OPCML: variants seen among roughly 807,000 people sequenced by gnomAD.
OPCML encodes the protein opioid binding protein/cell adhesion molecule like.
OPCML carries 13 observed loss-of-function variants against 37.8 expected under a neutral mutation model. That is an observed-to-expected ratio of 0.34 (90% CI 0.22 to 0.55). OPCML has a LOEUF of 0.55. Ranked by LOEUF, OPCML falls within the 20% of genes least tolerant of loss-of-function variation. The pLI is 0.91. For missense variants in OPCML, 341 were observed against 435.6 expected, an observed-to-expected ratio of 0.78 and a Z score of 1.93; for synonymous variants, 176 against 168.8, an observed-to-expected ratio of 1.04 and a Z score of -0.33.
At position 132,715,054 on chromosome 11, in the gene OPCML, A is replaced by AGG. The variant is rs1045431715; in HGVS notation, c.147-57737_147-57736dup. Among the ~76,000 whole-genome samples, 59 of 152,120 alleles carry AGG rather than the reference A, an allele frequency of 3.9e-4. 1 individual carries two copies. Among genetic ancestry groups the AGG allele is most frequent in the African/African-American group, 1.2e-3 (51 of 41,458 alleles). On this transcript the variant is annotated intron_variant, in intron 2 of 7. Transcript: ENST00000524381. Reference sequence around the variant, plus strand: ...CATCTTCCCTGCTCATGGGCAAGGGAGGGCAGGCAGCTCTCAGACAGATCA... The same window carrying AGG: ...CATCTTCCCTGCTCATGGGCAAGGGAGGGGGCAGGCAGCTCTCAGACAGATCA...
intron 2 of OPCML, among the ~76,000 whole-genome samples, chr11:132,907,341 T>A (rs1024204393): frequency 5.3e-5 from 8 of 152,080 alleles, no homozygotes; most frequent in African/African-American, 1.7e-4. Flanking sequence ...CCTCCATTTG[T>A]CCTTTGTCTG....
chr11:132,604,062 A>G (rs1349754786), intron 3 of OPCML, among the ~76,000 whole-genome samples: 1 of 152,040 alleles, frequency 6.6e-6, no homozygotes, highest in East Asian at 1.9e-4. Flanking sequence ...TGCCTGGAAT[A>G]CTTGTTGGTG....
chr11:132,583,309 G>T (rs2096466002), intron 3 of OPCML, among the ~76,000 whole-genome samples: 1 of 151,906 alleles, frequency 6.6e-6, no homozygotes, highest in South Asian at 2.1e-4. Context: ...TTGTTTGTTT[G>T]TTTGTTTGAC....
intron 1 of OPCML, among the ~76,000 whole-genome samples, chr11:133,100,577 C>T (rs1196109391): frequency 2.6e-5 from 4 of 152,146 alleles, no homozygotes; most frequent in Admixed American, 1.3e-4. Flanking sequence ...TACTACGAAG[C>T]TACAGTAATC....
At chr11:132,713,827 G>C (rs771892096) in intron 2 of OPCML, among the ~76,000 whole-genome samples, 36 of 152,188 alleles carry the variant, frequency 2.4e-4, no homozygotes, top group Non-Finnish European at 4.7e-4. Context: ...TTGAGAGTCT[G>C]AAACATTCAT....
At chr11:132,919,143 C>G (rs1468264183) in intron 2 of OPCML, among the ~76,000 whole-genome samples, 1 of 152,146 alleles carries the variant, frequency 6.6e-6, no homozygotes, top group African/African-American at 2.4e-5. Flanking sequence ...TGGATTTAAT[C>G]ACAAGGTTTT....
chr11:133,386,522 T>C (rs1364857422), intron 1 of OPCML, among the ~76,000 whole-genome samples: 2 of 152,142 alleles, frequency 1.3e-5, no homozygotes, highest in East Asian at 3.9e-4. Context: ...TACTCTCTTA[T>C]CTTAGTGGGT....
intron 2 of OPCML, among the ~76,000 whole-genome samples, chr11:132,938,652 C>G (rs1484745135): frequency 6.6e-6 from 1 of 152,092 alleles, no homozygotes; most frequent in Non-Finnish European, 1.5e-5. Flanking sequence ...TGAAAGTGCT[C>G]AAGGCCGTGG....
intron 1 of OPCML, among the ~76,000 whole-genome samples, chr11:133,295,910 A>G (rs1461015845): frequency 2.0e-5 from 3 of 152,208 alleles, no homozygotes; most frequent in Admixed American, 2.0e-4. Context: ...CACTCCTTTG[A>G]CTTACATTTT....
chr11:133,354,875 T>A (rs567985510), intron 1 of OPCML, among the ~76,000 whole-genome samples: 1 of 152,192 alleles, frequency 6.6e-6, no homozygotes, highest in Non-Finnish European at 1.5e-5. Context: ...GAATGTGAAA[T>A]TGTAGAAAGA....
At chr11:132,562,854 G>A (rs772518978) in intron 3 of OPCML, among the ~76,000 whole-genome samples, 24 of 152,074 alleles carry the variant, frequency 1.6e-4, no homozygotes, top group Non-Finnish European at 2.8e-4. Context: ...ATAAAAAGCA[G>A]GCAAAGCTCA....
At chr11:133,378,726 T>C (rs1944867873) in intron 1 of OPCML, among the ~76,000 whole-genome samples, 1 of 151,638 alleles carries the variant, frequency 6.6e-6, no homozygotes, top group South Asian at 2.1e-4. Context: ...CTTTCTTTTT[T>C]TGTCTTTTTT....
chr11:132,458,663 A>G (rs561708543), intron 4 of OPCML, among the ~76,000 whole-genome samples: 1 of 152,336 alleles, frequency 6.6e-6, no homozygotes, highest in South Asian at 2.1e-4. Flanking sequence ...TTTAAAAAAC[A>G]CTGATAAACC....
intron 1 of OPCML, among the ~76,000 whole-genome samples, chr11:133,400,624 A>C (rs1945381625): frequency 2.0e-5 from 3 of 152,250 alleles, no homozygotes; most frequent in Non-Finnish European, 4.4e-5. Flanking sequence ...ATGTTACCAC[A>C]ATAATAAATT....
At chr11:133,203,259 GATA>G (rs1269916443) in intron 1 of OPCML, among the ~76,000 whole-genome samples, 6 of 152,238 alleles carry the variant, frequency 3.9e-5, no homozygotes, top group Non-Finnish European at 8.8e-5. Context: ...CTGAAACCGG[GATA>G]ATAACAGCTG....
At chr11:132,899,177 T>A (rs1406605605) in intron 2 of OPCML, among the ~76,000 whole-genome samples, 1 of 152,054 alleles carries the variant, frequency 6.6e-6, no homozygotes, top group African/African-American at 2.4e-5. Context: ...TAATACAGAA[T>A]GGGTAGTGGA....
chr11:133,031,483 A>G (rs946420046), intron 1 of OPCML, among the ~76,000 whole-genome samples: 30 of 134,640 alleles, frequency 2.2e-4, no homozygotes, highest in Non-Finnish European at 4.4e-4. Context: ...GGGTAGGTGA[A>G]TGGATGGATG....
chr11:132,435,865 G>A (rs1055310834), intron 7 of OPCML, among the ~76,000 whole-genome samples: 4 of 152,182 alleles, frequency 2.6e-5, no homozygotes, highest in South Asian at 2.1e-4. Flanking sequence ...TATTGTAAGG[G>A]CAAACTTTGC....
At chr11:132,687,323 ATT>A (rs771531023) in intron 2 of OPCML, among the ~76,000 whole-genome samples, 37 of 129,672 alleles carry the variant, frequency 2.9e-4, no homozygotes, top group Non-Finnish European at 5.0e-4. Flanking sequence ...TTGGACTTCT[ATT>A]TCTCAATCTA....
Sources: gnomAD v4.1 joint callset for allele counts (sites outside exome capture counted in the v4.1 genomes callset) on GRCh38, gnomAD v4.1.1 for gene constraint, MANE v1.5 for transcripts, NCBI Gene and HGNC (gene_info 2026-07-23, HGNC 2026-07-21) for gene names.